The following CSMD1 variants were observed in gnomAD, a reference collection of about 807,000 sequenced individuals.
CSMD1 encodes the protein CUB and sushi domain-containing protein 1.
In CSMD1, 213 loss-of-function variants were observed where a neutral mutation model predicts 417.5. The observed-to-expected ratio is 0.51, with a 90% CI of 0.46 to 0.57. The LOEUF (loss-of-function observed/expected upper bound fraction) is 0.57. CSMD1 is among the 20% of genes least tolerant of loss of function. The pLI is 0.00. For synonymous variants in CSMD1, 2,862 were observed against 1,736.8 expected (o/e 1.65, Z -16.11); for missense variants, 6,923 against 4,529.7 (o/e 1.53, Z -15.17).
chr8:3,931,970 T>G (rs1440966550), intron 5 of CSMD1, among the ~76,000 whole-genome samples: 3 of 149,768 alleles, frequency 2.0e-5, no homozygotes, highest in Non-Finnish European at 3.0e-5. Flanking sequence ...TTTAAAAAAT[T>G]AAAATAGTAT....
At chr8:2,946,401 C>T (rs938164613) in intron 68 of CSMD1, among the ~76,000 whole-genome samples, 1 of 152,124 alleles carries the variant, frequency 6.6e-6, no homozygotes, top group African/African-American at 2.4e-5. Flanking sequence ...TACCTTCATC[C>T]CAACCTTCAA....
chr8:3,206,967 G>A (rs10085969), intron 30 of CSMD1, among the ~76,000 whole-genome samples: 111,932 of 151,730 alleles, frequency 0.74, 41,443 homozygotes, highest in Non-Finnish European at 0.76. Flanking sequence ...AATGACCAGC[G>A]TGGGAGCCAC....
chr8:3,935,484 C>T (rs1307061563), intron 5 of CSMD1, among the ~76,000 whole-genome samples: 6 of 152,104 alleles, frequency 3.9e-5, no homozygotes, highest in Admixed American at 6.6e-5. Context: ...GTCATTATTC[C>T]AATTGCATCT....
At chr8:3,567,657 G>T (rs557597630) in intron 10 of CSMD1, among the ~76,000 whole-genome samples, 1 of 151,830 alleles carries the variant, frequency 6.6e-6, no homozygotes, top group East Asian at 1.9e-4. Context: ...CTTGTTTACC[G>T]ACAATATTCC....
At chr8:4,818,315 G>C (rs1363508552) in intron 1 of CSMD1, among the ~76,000 whole-genome samples, 1 of 152,146 alleles carries the variant, frequency 6.6e-6, no homozygotes, top group Non-Finnish European at 1.5e-5. Context: ...ACCAAAGCTA[G>C]ATTACAAAAG....
At chr8:4,485,426 G>C (rs941399784) in intron 2 of CSMD1, among the ~76,000 whole-genome samples, 2 of 152,172 alleles carry the variant, frequency 1.3e-5, no homozygotes, top group African/African-American at 4.8e-5. Flanking sequence ...CTCACAGAGA[G>C]AGGAAGGGCT....
intron 1 of CSMD1, among the ~76,000 whole-genome samples, chr8:4,794,713 T>C (rs543611808): frequency 6.6e-6 from 1 of 152,282 alleles, no homozygotes; most frequent in African/African-American, 2.4e-5. Flanking sequence ...TGTGGCAGAG[T>C]ATTTTCTCAG....
intron 2 of CSMD1, among the ~76,000 whole-genome samples, chr8:4,566,551 G>A (rs907111175): frequency 2.6e-5 from 4 of 151,314 alleles, no homozygotes; most frequent in African/African-American, 9.7e-5. Flanking sequence ...TACTCGGGAG[G>A]CTGAGGCAGG....
At chr8:3,526,158 C>T (rs890583049) in intron 10 of CSMD1, among the ~76,000 whole-genome samples, 6 of 152,076 alleles carry the variant, frequency 3.9e-5, no homozygotes, top group African/African-American at 1.4e-4. Flanking sequence ...TCAATTAATT[C>T]AGAAATGTGG....
intron 12 of CSMD1, among the ~76,000 whole-genome samples, chr8:3,412,722 C>G (rs78788962): frequency 0.079 from 11,951 of 152,216 alleles, 479 homozygotes; most frequent in Middle Eastern, 0.1. Flanking sequence ...GCAACACAAG[C>G]CAAATACATC....
chr8:4,552,781 G>C lies in CSMD1; in HGVS notation c.302+84561C>G, dbSNP rs186659853. ...ACAGTCATCTCAGAAGGGTGGTAAA[G>C]TGCTTTACACACCTAACCCCACCTC... On this transcript the variant is annotated intron_variant, in intron 2 of 69. Coordinates refer to ENST00000635120, the MANE Select transcript of CSMD1 (RefSeq NM_033225.6). 3.4e-3 allele frequency among the ~76,000 whole-genome samples: 518 copies of C among 152,256 alleles called. 1 individual carries two copies. The highest frequency in any genetic ancestry group is 5.2e-3 in the Non-Finnish European group (353 of 68,026).
intron 1 of CSMD1, among the ~76,000 whole-genome samples, chr8:4,732,808 G>C (rs868407092): frequency 1.3e-5 from 2 of 152,148 alleles, no homozygotes; most frequent in African/African-American, 2.4e-5. Context: ...AGTAACTCCA[G>C]GCAGTAAATG....
At chr8:3,794,343 A>G (rs755725034) in intron 5 of CSMD1, among the ~76,000 whole-genome samples, 1 of 152,184 alleles carries the variant, frequency 6.6e-6, no homozygotes, top group Non-Finnish European at 1.5e-5. Context: ...CTGAGTAAAC[A>G]TATGTTTGCT....
At chr8:4,558,853 G>C (rs1798206992) in intron 2 of CSMD1, among the ~76,000 whole-genome samples, 1 of 152,174 alleles carries the variant, frequency 6.6e-6, no homozygotes, top group South Asian at 2.1e-4. Flanking sequence ...GGGCAACAAA[G>C]TGAGACTCCG....
At chr8:3,999,246 T>C (rs575130176) in intron 4 of CSMD1, among the ~76,000 whole-genome samples, 28 of 152,086 alleles carry the variant, frequency 1.8e-4, no homozygotes, top group Non-Finnish European at 2.8e-4. Context: ...GTGGATGATA[T>C]GTAAAAGTCA....
chr8:4,199,483 A>C (rs1012267900), intron 3 of CSMD1, among the ~76,000 whole-genome samples: 9 of 152,214 alleles, frequency 5.9e-5, no homozygotes, highest in African/African-American at 1.9e-4. Context: ...AAAAAGGCAA[A>C]TAGGAATATG....
At chr8:4,290,966 A>T (rs141471433) in intron 3 of CSMD1, among the ~76,000 whole-genome samples, 1 of 152,202 alleles carries the variant, frequency 6.6e-6, no homozygotes, top group Non-Finnish European at 1.5e-5. Context: ...TAGAGGGGCA[A>T]AATTTCATCT....
At chr8:3,757,498 C>G (rs976632606) in intron 5 of CSMD1, among the ~76,000 whole-genome samples, 2 of 152,182 alleles carry the variant, frequency 1.3e-5, no homozygotes, top group Non-Finnish European at 2.9e-5. Flanking sequence ...GAAAGCCACT[C>G]TTAGCTGATG....
intron 10 of CSMD1, among the ~76,000 whole-genome samples, chr8:3,545,959 T>C (rs1182246725): frequency 1.3e-5 from 2 of 152,038 alleles, no homozygotes; most frequent in Non-Finnish European, 1.5e-5. Context: ...ACTGGAAAGG[T>C]TTAGCTCCTA....
Sources: gnomAD v4.1 joint callset for allele counts (sites outside exome capture counted in the v4.1 genomes callset) on GRCh38, gnomAD v4.1.1 for gene constraint, MANE v1.5 for transcripts, NCBI Gene and HGNC (gene_info 2026-07-23, HGNC 2026-07-21) for gene names.